Variants in GALNTL6 observed in about 807,000 individuals in gnomAD.
The protein encoded by GALNTL6 is polypeptide N-acetylgalactosaminyltransferase like 6.
In GALNTL6, 46 loss-of-function variants were observed where a neutral mutation model predicts 73.7. The ratio of observed to expected loss-of-function variants is 0.62; its 90% CI spans 0.49 to 0.80. GALNTL6 has a LOEUF of 0.80. Ranked by LOEUF, GALNTL6 falls within the 30% of genes least tolerant of loss-of-function variation. The probability of loss-of-function intolerance (pLI) is 0.00; values close to 1 mark genes in which losing one functional copy is unlikely to be tolerated. For missense variants in GALNTL6, 604 were observed against 755.0 expected (o/e 0.80, Z 2.34); for synonymous variants, 259 against 263.7 (o/e 0.98, Z 0.17).
At chr4:172,564,738 A>T (rs980209810) in intron 5 of GALNTL6, among the ~76,000 whole-genome samples, 1 of 152,204 alleles carries the variant, frequency 6.6e-6, no homozygotes, top group African/African-American at 2.4e-5. Context: ...CTAAATCAGA[A>T]AGGTGATCTC....
chr4:172,206,801 T>TAATG (rs1216251103), intron 2 of GALNTL6, among the ~76,000 whole-genome samples: 8 of 15,718 alleles, frequency 5.1e-4, no homozygotes, highest in African/African-American at 8.9e-4. Context: ...TGTTTTGTTT[T>TAATG]TCTGTTTTTT....
chr4:172,364,981 G>A (rs549580410), intron 5 of GALNTL6, among the ~76,000 whole-genome samples: 5 of 152,234 alleles, frequency 3.3e-5, no homozygotes, highest in Admixed American at 3.3e-4. Context: ...GCTTGTTTTT[G>A]TCACTGCTAT....
chr4:172,436,097 C>T (rs536068951), intron 5 of GALNTL6, among the ~76,000 whole-genome samples: 1 of 152,176 alleles, frequency 6.6e-6, no homozygotes, highest in Admixed American at 6.6e-5. Context: ...TTTAGTTATC[C>T]AGGGACGTAC....
At chr4:172,503,563 G>C (rs1246506538) in intron 5 of GALNTL6, among the ~76,000 whole-genome samples, 1 of 78,178 alleles carries the variant, frequency 1.3e-5, no homozygotes, top group East Asian at 3.5e-4. Flanking sequence ...TTAGTTTTTT[G>C]TGAAAAGACT....
At chr4:171,912,314 T>G (rs1306032847) in intron 2 of GALNTL6, among the ~76,000 whole-genome samples, 8 of 152,172 alleles carry the variant, frequency 5.3e-5, no homozygotes. Flanking sequence ...GTGTGACATT[T>G]TGCCATTTCT....
At chr4:172,624,980 T>A (rs1197510687) in intron 5 of GALNTL6, among the ~76,000 whole-genome samples, 1 of 151,982 alleles carries the variant, frequency 6.6e-6, no homozygotes, top group African/African-American at 2.4e-5. Context: ...TCCTCCAGTA[T>A]TTCTCAACCA....
intron 7 of GALNTL6, among the ~76,000 whole-genome samples, chr4:172,849,387 A>G (rs1422947187): frequency 6.6e-6 from 1 of 152,174 alleles, no homozygotes; most frequent in Non-Finnish European, 1.5e-5. Context: ...TGAGGGAGAA[A>G]TAATCAAATA....
rs542342792 is a variant in GALNTL6 at position 172,011,397 on chromosome 4, G to C, written c.138+196679G>C. On this transcript the variant is annotated intron_variant, in intron 2 of 12. Coordinates refer to ENST00000506823, the MANE Select transcript of GALNTL6 (RefSeq NM_001034845.3). ...GAAGTGGGTTTGTAAGAGAGTGTGG[G>C]TGTGTCCTAAAAGTCTGTGACTTTT... is the stretch of plus-strand genomic sequence containing the variant. Among the ~76,000 whole-genome samples the C allele has an allele frequency of 7.9e-5, 12 of 152,146 alleles. No individual in the cohort carries two copies. In the South Asian group the frequency reaches 2.5e-3, roughly 32 times the overall value.
chr4:172,492,610 G>A lies in GALNTL6; in HGVS notation c.553+143921G>A, dbSNP rs377650089. Among the ~76,000 whole-genome samples, 39 of 152,180 alleles carry A rather than the reference G, an allele frequency of 2.6e-4. 1 individual carries two copies. In the South Asian group the frequency reaches 6.0e-3, roughly 23 times the overall value. On this transcript the variant is annotated intron_variant, in intron 5 of 12. Coordinates refer to ENST00000506823, the MANE Select transcript of GALNTL6 (RefSeq NM_001034845.3). The stretch of plus-strand genomic sequence containing the variant: ...TCGCAGTATAATAGTTCAGAGTTTA[G>A]CATTTGAGGTGAAAAACTTTGTCTT...
chr4:172,962,203 A>C (rs1750090962), intron 10 of GALNTL6, among the ~76,000 whole-genome samples: 1 of 152,152 alleles, frequency 6.6e-6, no homozygotes, highest in Non-Finnish European at 1.5e-5. Flanking sequence ...GGCCATTTTC[A>C]CTTCTTTTGT....
At chr4:172,236,422 T>C (rs1026698694) in intron 3 of GALNTL6, among the ~76,000 whole-genome samples, 1 of 152,030 alleles carries the variant, frequency 6.6e-6, no homozygotes, top group African/African-American at 2.4e-5. Flanking sequence ...TAGCCAGGCA[T>C]GGTGGCAGGC....
At chr4:172,344,563 A>T (rs551936725) in intron 4 of GALNTL6, among the ~76,000 whole-genome samples, 3 of 152,202 alleles carry the variant, frequency 2.0e-5, no homozygotes, top group African/African-American at 2.4e-5. Context: ...CTGCTGCCAG[A>T]GGAATATGTA....
chr4:172,247,444 G>A (rs1399834446), intron 3 of GALNTL6, among the ~76,000 whole-genome samples: 4 of 152,228 alleles, frequency 2.6e-5, no homozygotes, highest in South Asian at 4.1e-4. Context: ...TACAAAGCTT[G>A]CAGTTCTTTC....
At chr4:172,081,202 C>T (rs181783065) in intron 2 of GALNTL6, among the ~76,000 whole-genome samples, 43 of 152,312 alleles carry the variant, frequency 2.8e-4, no homozygotes, top group Non-Finnish European at 2.9e-5. Context: ...GGAGAGTGAA[C>T]CTTAATGCTT....
At chr4:172,231,494 G>C (rs185049443) in intron 3 of GALNTL6, among the ~76,000 whole-genome samples, 52 of 152,176 alleles carry the variant, frequency 3.4e-4, no homozygotes, top group Non-Finnish European at 5.3e-4. Context: ...TTAAGAACCA[G>C]GTCTTATCAT....
intron 5 of GALNTL6, among the ~76,000 whole-genome samples, chr4:172,731,122 A>G (rs1451902356): frequency 6.6e-6 from 1 of 151,202 alleles, no homozygotes; most frequent in Admixed American, 6.6e-5. Context: ...AGTAGGATTG[A>G]TATTAGTTCT....
At chr4:173,027,769 G>A (rs924757836) in intron 12 of GALNTL6, among the ~76,000 whole-genome samples, 16 of 152,170 alleles carry the variant, frequency 1.1e-4, no homozygotes, top group Non-Finnish European at 1.5e-4. Context: ...CAGTCCATTC[G>A]TAGATGTCAT....
intron 5 of GALNTL6, among the ~76,000 whole-genome samples, chr4:172,524,931 A>G (rs150311466): frequency 2.6e-5 from 4 of 152,316 alleles, no homozygotes; most frequent in African/African-American, 9.6e-5. Context: ...ACATATTTAT[A>G]TCCACTATCT....
intron 2 of GALNTL6, among the ~76,000 whole-genome samples, chr4:171,893,908 A>G (rs1300051391): frequency 6.6e-6 from 1 of 152,132 alleles, no homozygotes; most frequent in East Asian, 1.9e-4. Context: ...TAGTCCCACA[A>G]TTCAGTCTCA....
Sources: gnomAD v4.1 joint callset for allele counts (sites outside exome capture counted in the v4.1 genomes callset) on GRCh38, gnomAD v4.1.1 for gene constraint, MANE v1.5 for transcripts, NCBI Gene and HGNC (gene_info 2026-07-23, HGNC 2026-07-21) for gene names.